The following TMEM108 variants were observed in gnomAD, a reference collection of about 807,000 sequenced individuals.
The protein encoded by TMEM108 is cancer/testis antigen 124.
TMEM108 carries 12 observed loss-of-function variants against 35.1 expected under a neutral mutation model. The ratio of observed to expected loss-of-function variants is 0.34; its 90% CI spans 0.22 to 0.55. The LOEUF is 0.55. TMEM108 is among the 20% of genes least tolerant of loss of function. TMEM108 has a pLI of 0.89. For missense variants in TMEM108, 680 were observed against 753.3 expected (o/e 0.90, Z 1.14); for synonymous variants, 287 against 308.6 (o/e 0.93, Z 0.73).
At chr3:133,185,784 CTTT>C (rs11309146) in intron 2 of TMEM108, among the ~76,000 whole-genome samples, 38,197 of 127,098 alleles carry the variant, frequency 0.3, 5,539 homozygotes, top group Middle Eastern at 0.42. Context: ...CTTTTCTTTT[CTTT>C]TTTTTTTTTT....
intron 2 of TMEM108, among the ~76,000 whole-genome samples, chr3:133,128,786 C>A (rs1234382376): frequency 6.6e-6 from 1 of 152,194 alleles, no homozygotes; most frequent in African/African-American, 2.4e-5. Flanking sequence ...TGAGGCTGGT[C>A]TCTGGTTCTC....
At chr3:133,208,323 G>C (rs1945787871) in intron 2 of TMEM108, among the ~76,000 whole-genome samples, 1 of 152,138 alleles carries the variant, frequency 6.6e-6, no homozygotes, top group Non-Finnish European at 1.5e-5. Context: ...GAAGTTAATG[G>C]AATGATGAAA....
At chr3:133,139,123 T>C (rs1944605897) in intron 2 of TMEM108, among the ~76,000 whole-genome samples, 2 of 152,198 alleles carry the variant, frequency 1.3e-5, no homozygotes, top group African/African-American at 4.8e-5. Context: ...TAGTATTCCA[T>C]GGTGTATATG....
chr3:133,085,048 C>T (rs1943864069), intron 2 of TMEM108, among the ~76,000 whole-genome samples: 1 of 152,196 alleles, frequency 6.6e-6, no homozygotes, highest in African/African-American at 2.4e-5. Flanking sequence ...CCCTACCTTT[C>T]AGCTTTTGTT....
intron 3 of TMEM108, among the ~76,000 whole-genome samples, chr3:133,293,936 C>T (rs546277173): frequency 2.6e-5 from 4 of 152,112 alleles, no homozygotes; most frequent in Non-Finnish European, 4.4e-5. Flanking sequence ...AATCAGCTTC[C>T]GTACACCAAG....
intron 2 of TMEM108, among the ~76,000 whole-genome samples, chr3:133,170,786 A>G (rs1245524588): frequency 6.6e-6 from 1 of 152,220 alleles, no homozygotes; most frequent in African/African-American, 2.4e-5. Flanking sequence ...ACATATTTCT[A>G]GGAATAGATG....
At chr3:133,117,941 C>T (rs369483988) in intron 2 of TMEM108, among the ~76,000 whole-genome samples, 5 of 152,166 alleles carry the variant, frequency 3.3e-5, no homozygotes, top group South Asian at 2.1e-4. Flanking sequence ...TCCAGAGAGG[C>T]GGGAAGCTGT....
At chr3:133,292,105 CT>C (rs1463842027) in intron 3 of TMEM108, among the ~76,000 whole-genome samples, 2 of 152,168 alleles carry the variant, frequency 1.3e-5, no homozygotes, top group African/African-American at 4.8e-5. Context: ...TTAGAAAACA[CT>C]TTGTGGGAAC....
chr3:133,204,039 A>C (rs1945713242), intron 2 of TMEM108, among the ~76,000 whole-genome samples: 1 of 152,166 alleles, frequency 6.6e-6, no homozygotes. Flanking sequence ...GTATGTGGCC[A>C]GGAATGTATC....
At chr3:133,177,219 C>T (rs559377226) in intron 2 of TMEM108, among the ~76,000 whole-genome samples, 6 of 152,222 alleles carry the variant, frequency 3.9e-5, no homozygotes, top group South Asian at 4.1e-4. Flanking sequence ...GATTCACAGC[C>T]GAATTCTACC....
intron 2 of TMEM108, among the ~76,000 whole-genome samples, chr3:133,102,698 C>T (rs888822775): frequency 2.6e-5 from 4 of 152,196 alleles, no homozygotes; most frequent in Non-Finnish European, 4.4e-5. Flanking sequence ...ATACGTATCA[C>T]ATATCCTCAT....
At chr3:133,195,056 A>C (rs1945557248) in intron 2 of TMEM108, among the ~76,000 whole-genome samples, 1 of 152,198 alleles carries the variant, frequency 6.6e-6, no homozygotes, top group African/African-American at 2.4e-5. Context: ...TTATAAACAA[A>C]AAGTTCACAT....
At chr3:133,094,603 C>T (rs1484951420) in intron 2 of TMEM108, among the ~76,000 whole-genome samples, 3 of 152,172 alleles carry the variant, frequency 2.0e-5, no homozygotes, top group African/African-American at 7.2e-5. Context: ...TCCATATCGC[C>T]AGCATATGGC....
At chr3:133,040,308 A>T (rs946275238) in intron 1 of TMEM108, among the ~76,000 whole-genome samples, 1 of 150,208 alleles carries the variant, frequency 6.7e-6, no homozygotes, top group Non-Finnish European at 1.5e-5. Context: ...GATTCAAACG[A>T]TTCTCCTGCC....
chr3:133,060,359 A>AGT (rs1943521781), intron 2 of TMEM108, among the ~76,000 whole-genome samples: 1 of 152,206 alleles, frequency 6.6e-6, no homozygotes, highest in African/African-American at 2.4e-5. Flanking sequence ...CACGTAGTAG[A>AGT]GCATGGCCTG....
intron 2 of TMEM108, among the ~76,000 whole-genome samples, chr3:133,183,497 G>A (rs964821863): frequency 6.6e-6 from 1 of 152,170 alleles, no homozygotes; most frequent in East Asian, 1.9e-4. Context: ...TTGGAGTCAG[G>A]AAGAAGGATG....
chr3:133,280,110 G>A (rs1559890811), intron 3 of TMEM108, among the ~76,000 whole-genome samples: 1 of 152,120 alleles, frequency 6.6e-6, no homozygotes, highest in Admixed American at 6.5e-5. Flanking sequence ...AGTCAGGTGA[G>A]GTGGTGTTTC....
chr3:133,178,272 C>T (rs1436178300), intron 2 of TMEM108, among the ~76,000 whole-genome samples: 2 of 152,214 alleles, frequency 1.3e-5, no homozygotes, highest in African/African-American at 2.4e-5. Context: ...CCATCCCCAT[C>T]AAGCTGCCAA....
chr3:133,073,510 C>CTCTCTCTCTCTCTCTCTA, intron 2 of TMEM108, among the ~76,000 whole-genome samples: 95 of 43,880 alleles, frequency 2.2e-3, no homozygotes, highest in African/African-American at 4.9e-3. Flanking sequence ...CTCTCTCTCT[C>CTCTCTCTCTCTCTCTCTA]TATATATATA....
Sources: allele counts gnomAD v4.1 joint callset (sites outside exome capture counted in the v4.1 genomes callset), GRCh38; gene constraint gnomAD v4.1.1; transcripts MANE v1.5; gene names NCBI Gene and HGNC (gene_info 2026-07-23, HGNC 2026-07-21).